CADPS2: variants seen among roughly 807,000 people sequenced by gnomAD.
The protein encoded by CADPS2 is calcium-dependent secretion activator 2.
A neutral mutation model predicts 172.5 loss-of-function variants in CADPS2; 93 were observed. That is an observed-to-expected ratio of 0.54 (90% CI 0.46 to 0.64). The LOEUF (loss-of-function observed/expected upper bound fraction) is 0.64, where lower values mean the gene tolerates loss of function less well. Ranked by LOEUF, CADPS2 falls within the 30% of genes least tolerant of loss-of-function variation. The probability of loss-of-function intolerance (pLI) is 0.00; values close to 1 mark genes in which losing one functional copy is unlikely to be tolerated. For missense variants in CADPS2, 1,420 were observed against 1,565.9 expected, an observed-to-expected ratio of 0.91 and a Z score of 1.57; for synonymous variants, 546 against 555.2, an observed-to-expected ratio of 0.98 and a Z score of 0.23.
intron 8 of CADPS2, among the ~76,000 whole-genome samples, chr7:122,553,640 A>G (rs2064612444): frequency 6.6e-6 from 1 of 152,064 alleles, no homozygotes; most frequent in Admixed American, 6.6e-5. Context: ...TCATCTAAAG[A>G]ATCCTCCTCA....
At chr7:122,793,641 T>C (rs1318221043) in intron 1 of CADPS2, among the ~76,000 whole-genome samples, 1 of 152,198 alleles carries the variant, frequency 6.6e-6, no homozygotes, top group Non-Finnish European at 1.5e-5. Context: ...AAGGTTAGTA[T>C]TGATACGTGT....
intron 14 of CADPS2, among the ~76,000 whole-genome samples, chr7:122,461,392 T>C (rs961670096): frequency 2.1e-4 from 32 of 152,118 alleles, no homozygotes; most frequent in African/African-American, 7.5e-4. Context: ...TGCACACCTA[T>C]ACAATATCAT....
intron 1 of CADPS2, among the ~76,000 whole-genome samples, chr7:122,875,089 A>G (rs1820854853): frequency 6.6e-6 from 1 of 152,248 alleles, no homozygotes; most frequent in Admixed American, 6.5e-5. Flanking sequence ...ATTTTCCTCA[A>G]TACAAAGCAA....
At chr7:122,594,640 C>CA (rs1389186061) in intron 6 of CADPS2, among the ~76,000 whole-genome samples, 1 of 151,954 alleles carries the variant, frequency 6.6e-6, no homozygotes, top group African/African-American at 2.4e-5. Context: ...CCTGTTAGCA[C>CA]AAAATCAGGT....
At chr7:122,727,436 C>T (rs925612545) in intron 2 of CADPS2, among the ~76,000 whole-genome samples, 2 of 151,496 alleles carry the variant, frequency 1.3e-5, no homozygotes, top group African/African-American at 4.8e-5. Context: ...TTTACTTACC[C>T]ACAGCCCACC....
At chr7:122,749,266 T>A (rs558528437) in intron 1 of CADPS2, among the ~76,000 whole-genome samples, 110 of 152,204 alleles carry the variant, frequency 7.2e-4, no homozygotes, top group African/African-American at 2.6e-3. Flanking sequence ...CAATCAAGAT[T>A]CACTCTGGGG....
intron 1 of CADPS2, among the ~76,000 whole-genome samples, chr7:122,867,536 T>G (rs1585035740): frequency 6.6e-6 from 1 of 152,198 alleles, no homozygotes; most frequent in Admixed American, 6.5e-5. Context: ...TTAGAGTCCC[T>G]GCTGAAGGGC....
intron 1 of CADPS2, among the ~76,000 whole-genome samples, chr7:122,843,229 G>A (rs144657282): frequency 2.1e-4 from 32 of 151,982 alleles, no homozygotes; most frequent in African/African-American, 7.5e-4. Flanking sequence ...CACATCATAA[G>A]AGTTGCTTTT....
At chr7:122,382,708 C>T (rs1455254269) in intron 24 of CADPS2, among the ~76,000 whole-genome samples, 1 of 151,860 alleles carries the variant, frequency 6.6e-6, no homozygotes, top group Non-Finnish European at 1.5e-5. Flanking sequence ...AATCCCAGCA[C>T]TTTAGGAAGT....
At chr7:122,467,500 C>T (rs1268063789) in intron 14 of CADPS2, among the ~76,000 whole-genome samples, 2 of 152,214 alleles carry the variant, frequency 1.3e-5, no homozygotes, top group African/African-American at 4.8e-5. Context: ...TACTTAACAA[C>T]TTTGTGATAT....
intron 6 of CADPS2, among the ~76,000 whole-genome samples, chr7:122,582,401 C>A (rs1472695961): frequency 6.6e-6 from 1 of 151,562 alleles, no homozygotes; most frequent in Non-Finnish European, 1.5e-5. Context: ...ATTTCAATGA[C>A]TGAAGAAACT....
In CADPS2 at chr7:122,701,978, C is replaced by G. The variant is rs777469163; in HGVS notation, c.453+34977G>C. 2.9e-5 allele frequency: 47 copies of G among 1,613,686 alleles called. No homozygotes were observed. The Admixed American group carries it at 7.7e-4, about 26-fold the overall frequency. ...TTTGTATGTGTCAAAGCAAACAACA[C>G]AGTTGTCTTCATTTAGGTCTAATTC... On this transcript the variant is annotated intron_variant, in intron 2 of 29. Coordinates refer to ENST00000449022, the MANE Select transcript of CADPS2 (RefSeq NM_017954.11).
At chr7:122,404,592 A>C (rs1432210121) in intron 20 of CADPS2, among the ~76,000 whole-genome samples, 3 of 152,186 alleles carry the variant, frequency 2.0e-5, no homozygotes, top group Non-Finnish European at 4.4e-5. Flanking sequence ...TGGTTGAACT[A>C]GTTTACAGTC....
chr7:122,731,339 A>C (rs1340905031), intron 2 of CADPS2, among the ~76,000 whole-genome samples: 1 of 151,740 alleles, frequency 6.6e-6, no homozygotes, highest in African/African-American at 2.4e-5. Flanking sequence ...AAGCAACTGT[A>C]TACTGCCTTT....
intron 10 of CADPS2, among the ~76,000 whole-genome samples, chr7:122,490,558 T>C (rs2058190475): frequency 6.6e-6 from 1 of 152,068 alleles, no homozygotes; most frequent in Admixed American, 6.6e-5. Context: ...ACACACTCCA[T>C]GGAAATGCAT....
intron 1 of CADPS2, among the ~76,000 whole-genome samples, chr7:122,882,866 A>ATCACTGTTTATTAGTTCATACTCAT (rs1823311585): frequency 6.6e-6 from 1 of 152,098 alleles, no homozygotes; most frequent in Non-Finnish European, 1.5e-5. Context: ...ATCACTTTCA[A>ATCACTGTTTATTAGTTCATACTCAT]TCACTGTTTA....
chr7:122,379,339 T>G, intron 25 of CADPS2, 29 bp downstream of exon 25: 1 of 1,408,358 alleles, frequency 7.1e-7, no homozygotes, highest in South Asian at 1.3e-5. Flanking sequence ...TTCACTTTGA[T>G]TTAAAAAGGT....
intron 2 of CADPS2, among the ~76,000 whole-genome samples, chr7:122,668,402 TAAA>T (rs34006020): frequency 4.3e-5 from 6 of 138,210 alleles, no homozygotes; most frequent in East Asian, 2.2e-4. Context: ...AAAGTATGGT[TAAA>T]AAAAAAAAAA....
At chr7:122,733,370 T>C (rs371489710) in intron 2 of CADPS2, among the ~76,000 whole-genome samples, 48 of 152,078 alleles carry the variant, frequency 3.2e-4, no homozygotes, top group African/African-American at 1.1e-3. Flanking sequence ...ATTCATTGAA[T>C]ATATTTGTGT....
Sources: allele counts gnomAD v4.1 joint callset (sites outside exome capture counted in the v4.1 genomes callset), GRCh38; gene constraint gnomAD v4.1.1; transcripts MANE v1.5; gene names NCBI Gene and HGNC (gene_info 2026-07-23, HGNC 2026-07-21).